The following RARA variants were observed in gnomAD, a reference collection of about 807,000 sequenced individuals.
RARA encodes PML-DDX5-RARA fusion.
In RARA, 5 loss-of-function variants were observed where a neutral mutation model predicts 42.8. That is an observed-to-expected ratio of 0.12 (90% CI 0.06 to 0.25). RARA has a LOEUF of 0.25. RARA is among the 10% of genes least tolerant of loss of function. The probability of loss-of-function intolerance (pLI) is 1.00; values close to 1 mark genes in which losing one functional copy is unlikely to be tolerated. For synonymous variants in RARA, 256 were observed against 259.5 expected (o/e 0.99, Z 0.13); for missense variants, 402 against 628.7 (o/e 0.64, Z 3.86).
rs9303286 is a variant in RARA at position 40,344,676 on chromosome 17, G to T, written c.179-3640G>T. Among the ~76,000 whole-genome samples, 3 of 152,084 alleles carry T rather than the reference G, an allele frequency of 2.0e-5. No individual in the cohort carries two copies. The East Asian group carries it at 5.8e-4, about 29-fold the overall frequency. ...CTGTCCCCACATCCATTCTGGGGTG[G>T]GGTAGTAGACCTAGAGGCCTGGGTT... On this transcript the variant is annotated intron_variant, in intron 2 of 8. Transcript: ENST00000254066.
rs753861488 is a variant in RARA at position 40,331,278 on chromosome 17, G to A, written c.60G>A (p.Pro20=). 1.6e-5 allele frequency: 26 copies of A among 1,613,652 alleles called. No homozygotes were observed. Among genetic ancestry groups the A allele is most frequent in the East Asian group, 2.2e-5 (1 of 44,870 alleles). ...GGGGCGGGCACCTCAATGGGTACCCGGTGCCTCCCTACGCCTTCTTCTTCC... is the reference window on the plus strand; with the variant it reads ...GGGGCGGGCACCTCAATGGGTACCCAGTGCCTCCCTACGCCTTCTTCTTCC... The part of the protein sequence containing the change: ...TPGGGHLNGY[P]VPPYAFFFPP... The change falls in exon 2 of 9, where the codon CCG becomes CCA. Residue 20 remains proline (P), a synonymous_variant. Coordinates refer to ENST00000254066, the MANE Select transcript of RARA (RefSeq NM_000964.4).
intron 2 of RARA, among the ~76,000 whole-genome samples, chr17:40,346,543 T>A (rs2034272342): frequency 2.0e-5 from 3 of 150,950 alleles, no homozygotes; most frequent in Admixed American, 2.0e-4. Flanking sequence ...GATTGTCTAT[T>A]GTTACTGCTT....
At chr17:40,329,804 T>C (rs1000510570) in intron 1 of RARA, among the ~76,000 whole-genome samples, 16 of 152,218 alleles carry the variant, frequency 1.1e-4, no homozygotes, top group African/African-American at 3.9e-4. Flanking sequence ...TCTTTTCTTT[T>C]GTCTTTCATA....
chr17:40,354,432 C>T lies in RARA; in HGVS notation c.938C>T (p.Ala313Val), dbSNP rs762374504. ...GPLTDLVFAFANQLLPLEMDD... is the reference protein window; with the variant it reads ...GPLTDLVFAFVNQLLPLEMDD... ...CTCACCGACCTGGTCTTTGCCTTCGCCAACCAGCTGCTGCCCCTGGAGATG... is the reference window on the plus strand; with the variant it reads ...CTCACCGACCTGGTCTTTGCCTTCGTCAACCAGCTGCTGCCCCTGGAGATG... The change falls in exon 7 of 9, where the codon GCC (alanine) becomes GTC (valine). Residue 313 changes from alanine to valine, a missense_variant. By Grantham distance (64) the Ala-to-Val change is moderately conservative. Around this residue, in one of 5 missense-constraint regions of RARA, gnomAD observed 104 missense variants for 160.1 expected, o/e 0.65. Transcript: ENST00000254066. The surrounding 1 kb of genome is among the most constrained non-coding windows in gnomAD (Gnocchi z 4.5). The T allele has an allele frequency of 6.2e-7, 1 of 1,614,156 alleles. No individual in the cohort carries two copies. The highest frequency in any genetic ancestry group is 8.5e-7 in the Non-Finnish European group (1 of 1,180,026).
intron 1 of RARA, among the ~76,000 whole-genome samples, chr17:40,317,411 C>G (rs1334879871): frequency 6.6e-6 from 1 of 152,150 alleles, no homozygotes; most frequent in Non-Finnish European, 1.5e-5. Context: ...GGGGGTCTCT[C>G]AGATGGAGGG....
chr17:40,348,573 C>T (rs2034342714), intron 3 of RARA, 109 bp downstream of exon 3: 64 of 1,373,298 alleles, frequency 4.7e-5, no homozygotes, highest in Non-Finnish European at 6.0e-5. Flanking sequence ...AGTTGCTGCT[C>T]TTCTTTCTCT....
chr17:40,354,939 C>A lies in RARA; in HGVS notation c.1013-324C>A, dbSNP rs567811532. On this transcript the variant is annotated intron_variant, in intron 7 of 8. Coordinates refer to ENST00000254066, the MANE Select transcript of RARA (RefSeq NM_000964.4). The surrounding 1 kb of genome is among the most constrained non-coding windows in gnomAD (Gnocchi z 4.5). Reference sequence around the variant, plus strand: ...TTTATTGTTGTGATTTCTGCCATTTCATCTGGTTTCCAGAATAACAGGGGG... The same window carrying A: ...TTTATTGTTGTGATTTCTGCCATTTAATCTGGTTTCCAGAATAACAGGGGG... Among the ~76,000 whole-genome samples, 27 of 152,218 alleles carry A rather than the reference C, an allele frequency of 1.8e-4. No homozygotes were observed. Among genetic ancestry groups the A allele is most frequent in the Non-Finnish European group, 3.4e-4 (23 of 68,042 alleles).
Position 40,352,614 on chromosome 17 carries a change from C to A in RARA, c.807+107C>A. On this transcript the variant is annotated intron_variant, in intron 6 of 8. Transcript: ENST00000254066. The surrounding 1 kb of genome is among the most constrained non-coding windows in gnomAD (Gnocchi z 4.9). ...AATGTCTGTCTGCAATCAACCTGTCCAAATGCCCACCGCCCAAATGTCTGC... is the reference window on the plus strand; with the variant it reads ...AATGTCTGTCTGCAATCAACCTGTCAAAATGCCCACCGCCCAAATGTCTGC... The A allele has an allele frequency of 9.3e-7, 1 of 1,074,648 alleles. No homozygotes were observed. The highest frequency in any genetic ancestry group is 1.3e-6 in the Non-Finnish European group (1 of 776,538). 66.6% of individuals were successfully genotyped at this position (1,074,648 alleles called of 1,614,324 possible). A position where few individuals can be genotyped will look rare whatever the true frequency, so the allele number is the denominator to read the frequency against.
intron 1 of RARA, among the ~76,000 whole-genome samples, chr17:40,314,932 T>A (rs1406101799): frequency 6.6e-6 from 1 of 151,642 alleles, no homozygotes; most frequent in African/African-American, 2.4e-5. Flanking sequence ...TGGCATGTCC[T>A]GGCCCCACCC....
At chr17:40,322,792 C>T (rs2033428089) in intron 1 of RARA, among the ~76,000 whole-genome samples, 2 of 152,240 alleles carry the variant, frequency 1.3e-5, no homozygotes, top group Non-Finnish European at 2.9e-5. Context: ...TCCTGTGACC[C>T]ACTGTGCAGA....
chr17:40,333,168 G>C (rs1485673989), intron 2 of RARA, among the ~76,000 whole-genome samples: 1 of 152,020 alleles, frequency 6.6e-6, no homozygotes, highest in Non-Finnish European at 1.5e-5. Flanking sequence ...TTCCGCTTCG[G>C]CCTCCCATGT....
At chr17:40,341,591 C>T (rs1028250491) in intron 2 of RARA, 3 of 1,362,400 alleles carry the variant, frequency 2.2e-6, no homozygotes, top group Non-Finnish European at 2.8e-6. Flanking sequence ...GGCGGGCTGG[C>T]GAGCGGGTGA....
intron 1 of RARA, among the ~76,000 whole-genome samples, chr17:40,325,798 T>C (rs1433821953): frequency 6.6e-6 from 1 of 152,194 alleles, no homozygotes; most frequent in African/African-American, 2.4e-5. Flanking sequence ...CCTCTGAGAC[T>C]GCCTGACCTC....
chr17:40,321,107 G>A (rs1254903094), intron 1 of RARA, among the ~76,000 whole-genome samples: 2 of 152,108 alleles, frequency 1.3e-5, no homozygotes, highest in African/African-American at 4.8e-5. Context: ...GGGATGCACG[G>A]TGGGGGGCAG....
At chr17:40,350,709 G>C (rs1195406700) in intron 4 of RARA, among the ~76,000 whole-genome samples, 1 of 151,962 alleles carries the variant, frequency 6.6e-6, no homozygotes, top group Non-Finnish European at 1.5e-5. Flanking sequence ...AGTGGGGAGG[G>C]GGCACGGGTG....
At chr17:40,324,405 C>T (rs12946680) in intron 1 of RARA, among the ~76,000 whole-genome samples, 4 of 151,794 alleles carry the variant, frequency 2.6e-5, no homozygotes, top group African/African-American at 9.7e-5. Context: ...TCTGGTTCTA[C>T]GTGGACCTCT....
chr17:40,323,783 C>G, intron 1 of RARA, among the ~76,000 whole-genome samples: 1 of 130,380 alleles, frequency 7.7e-6, no homozygotes, highest in South Asian at 2.3e-4. Flanking sequence ...CACAGTCTGA[C>G]TCAGGCCTGG....
rs1368782407 is a variant in RARA at position 40,326,992 on chromosome 17, C to T, written c.-362-3865C>T. ...GCCCTCCTGCGGCTCAAGGCCCTCC[C>T]CAGGGAGCTGAGTAAATTTGCACTG... On this transcript the variant is annotated intron_variant, in intron 1 of 8. Coordinates refer to ENST00000254066, the MANE Select transcript of RARA (RefSeq NM_000964.4). The surrounding 1 kb of genome is among the most constrained non-coding windows in gnomAD (Gnocchi z 5.2). Among the ~76,000 whole-genome samples, 1 of 152,196 alleles carries T rather than the reference C, an allele frequency of 6.6e-6. No homozygotes were observed. Among genetic ancestry groups the T allele is most frequent in the Non-Finnish European group, 1.5e-5 (1 of 68,024 alleles).
chr17:40,329,986 C>T (rs2033648713), intron 1 of RARA, among the ~76,000 whole-genome samples: 1 of 152,204 alleles, frequency 6.6e-6, no homozygotes, highest in Admixed American at 6.5e-5. Context: ...GGGTTCATCT[C>T]TGTCTCTGTC....
Sources: allele counts gnomAD v4.1 joint callset (sites outside exome capture counted in the v4.1 genomes callset), GRCh38; gene constraint gnomAD v4.1.1; regional missense constraint gnomAD v4.1.1; non-coding constraint Gnocchi (gnomAD v3.1); transcripts MANE v1.5; gene names NCBI Gene and HGNC (gene_info 2026-07-23, HGNC 2026-07-21).